Variants in ZNF385D observed in about 807,000 individuals in gnomAD.
ZNF385D encodes the protein zinc finger protein 385D, also known as zinc finger protein 659.
Under a neutral mutation model 35.8 loss-of-function variants are expected in ZNF385D, and 15 were observed. That is an observed-to-expected ratio of 0.42 (90% CI 0.28 to 0.64). ZNF385D has a LOEUF of 0.64. ZNF385D is among the 30% of genes least tolerant of loss of function. The pLI is 0.23. For missense variants in ZNF385D, 474 were observed against 494.6 expected (o/e 0.96, Z 0.39); for synonymous variants, 212 against 186.8 (o/e 1.13, Z -1.10).
intron 2 of ZNF385D, among the ~76,000 whole-genome samples, chr3:21,655,741 T>C (rs1008353655): frequency 1.3e-5 from 2 of 152,030 alleles, no homozygotes; most frequent in African/African-American, 4.8e-5. Flanking sequence ...TCTAGCTATG[T>C]TGAAAACAAA....
At chr3:21,535,769 GC>G (rs1318423702) in intron 3 of ZNF385D, among the ~76,000 whole-genome samples, 2 of 151,778 alleles carry the variant, frequency 1.3e-5, no homozygotes, top group Non-Finnish European at 2.9e-5. Flanking sequence ...TTTTACATGT[GC>G]CCACTGTTTC....
intron 2 of ZNF385D, among the ~76,000 whole-genome samples, chr3:22,278,461 C>G (rs1701546548): frequency 6.6e-6 from 1 of 152,138 alleles, no homozygotes; most frequent in East Asian, 1.9e-4. Flanking sequence ...ATTCTGCTCA[C>G]TCTCTTTTCT....
At chr3:21,808,181 A>C (rs1053815867) in intron 3 of ZNF385D, among the ~76,000 whole-genome samples, 4 of 152,228 alleles carry the variant, frequency 2.6e-5, no homozygotes, top group African/African-American at 9.6e-5. Context: ...TAAGAAAATT[A>C]GTATCAAAAC....
intron 4 of ZNF385D, among the ~76,000 whole-genome samples, chr3:21,469,922 G>A (rs959481185): frequency 4.5e-5 from 6 of 133,792 alleles, no homozygotes; most frequent in Non-Finnish European, 9.9e-5. Context: ...CCACAAAGCA[G>A]GTGCTTTAAG....
At chr3:21,973,153 C>A (rs1195652588) in intron 3 of ZNF385D, among the ~76,000 whole-genome samples, 2 of 151,760 alleles carry the variant, frequency 1.3e-5, no homozygotes, top group African/African-American at 4.8e-5. Context: ...TGAACACTGA[C>A]GCGAATTTCC....
At chr3:21,997,521 T>A (rs193126023) in intron 3 of ZNF385D, among the ~76,000 whole-genome samples, 46 of 151,328 alleles carry the variant, frequency 3.0e-4, no homozygotes, top group African/African-American at 9.5e-4. Flanking sequence ...ATGTGATTTT[T>A]AAAATCTACT....
chr3:21,864,684 C>G (rs747065292), intron 3 of ZNF385D, among the ~76,000 whole-genome samples: 1 of 152,022 alleles, frequency 6.6e-6, no homozygotes, highest in African/African-American at 2.4e-5. Context: ...TAAAGTGAGT[C>G]TTTTTGCTAT....
intron 3 of ZNF385D, among the ~76,000 whole-genome samples, chr3:22,121,384 G>A (rs1187897849): frequency 6.6e-6 from 1 of 152,166 alleles, no homozygotes; most frequent in Non-Finnish European, 1.5e-5. Context: ...ATTTAACTCA[G>A]CATGCATAAT....
intron 3 of ZNF385D, among the ~76,000 whole-genome samples, chr3:22,137,047 A>G (rs1384481815): frequency 6.6e-6 from 1 of 152,212 alleles, no homozygotes; most frequent in Non-Finnish European, 1.5e-5. Flanking sequence ...AATGTATAAC[A>G]CAAGGATTGA....
At chr3:22,089,942 G>A (rs76484265) in intron 3 of ZNF385D, among the ~76,000 whole-genome samples, 3,323 of 152,122 alleles carry the variant, frequency 0.022, 51 homozygotes, top group East Asian at 0.045. Flanking sequence ...GGGTTCAAGC[G>A]ATTCCCCTGC....
chr3:22,173,553 G>C (rs138637457), intron 2 of ZNF385D, among the ~76,000 whole-genome samples: 1 of 152,248 alleles, frequency 6.6e-6, no homozygotes, highest in African/African-American at 2.4e-5. Flanking sequence ...AACCTCTTGA[G>C]AACTTGTGTG....
intron 2 of ZNF385D, among the ~76,000 whole-genome samples, chr3:22,362,165 C>T (rs936942991): frequency 6.6e-6 from 1 of 151,482 alleles, no homozygotes; most frequent in African/African-American, 2.4e-5. Context: ...AATTCTTTTT[C>T]CTGGCTTTTT....
At chr3:22,002,673 C>G (rs901039616) in intron 3 of ZNF385D, among the ~76,000 whole-genome samples, 1 of 152,062 alleles carries the variant, frequency 6.6e-6, no homozygotes, top group Non-Finnish European at 1.5e-5. Flanking sequence ...TTAATGAACA[C>G]AGACACAAAA....
intron 4 of ZNF385D, among the ~76,000 whole-genome samples, chr3:21,452,921 A>C (rs571304228): frequency 6.6e-6 from 1 of 152,072 alleles, no homozygotes; most frequent in East Asian, 1.9e-4. Context: ...AAGAAGAATA[A>C]AGTTAGAGGA....
At chr3:21,721,636 T>A (rs2068545749) in intron 1 of ZNF385D, among the ~76,000 whole-genome samples, 1 of 152,194 alleles carries the variant, frequency 6.6e-6, no homozygotes, top group African/African-American at 2.4e-5. Context: ...GCAATGATAC[T>A]AATATCATTT....
At chr3:21,902,756 G>C (rs1699474130) in intron 3 of ZNF385D, among the ~76,000 whole-genome samples, 2 of 152,016 alleles carry the variant, frequency 1.3e-5, no homozygotes, top group African/African-American at 4.8e-5. Context: ...CGAGTTAGTG[G>C]GTGCAGCACA....
intron 3 of ZNF385D, among the ~76,000 whole-genome samples, chr3:21,928,054 TA>T (rs1490473239): frequency 6.6e-6 from 1 of 151,968 alleles, no homozygotes; most frequent in African/African-American, 2.4e-5. Flanking sequence ...CAAGACTCGA[TA>T]AATATTAAAA....
At chr3:22,186,654 T>A (rs1477092968) in intron 2 of ZNF385D, among the ~76,000 whole-genome samples, 1 of 152,166 alleles carries the variant, frequency 6.6e-6, no homozygotes, top group Non-Finnish European at 1.5e-5. Context: ...GAATTTGATA[T>A]ATTTTTGGTC....
intron 3 of ZNF385D, among the ~76,000 whole-genome samples, chr3:22,058,210 G>A (rs991990286): frequency 1.7e-4 from 26 of 152,220 alleles, no homozygotes; most frequent in African/African-American, 6.0e-4. Context: ...ATTTCTTGTT[G>A]AAAAAAGCAA....
Sources: allele counts gnomAD v4.1 joint callset (sites outside exome capture counted in the v4.1 genomes callset), GRCh38; gene constraint gnomAD v4.1.1; transcripts MANE v1.5; gene names NCBI Gene and HGNC (gene_info 2026-07-23, HGNC 2026-07-21).